LMNTD1: variants seen among roughly 807,000 people sequenced by gnomAD.
LMNTD1 encodes the protein lamin tail domain containing 1, also known as lamin tail domain-containing protein 1.
Under a neutral mutation model 50.9 loss-of-function variants are expected in LMNTD1, and 35 were observed. The ratio of observed to expected loss-of-function variants is 0.69; its 90% CI spans 0.53 to 0.91. LMNTD1 has a LOEUF of 0.91. Among genes scored for constraint, LMNTD1 ranks in the 40% least tolerant of loss-of-function variants. The pLI, the probability that LMNTD1 is intolerant of heterozygous loss-of-function variation, is 0.00. For missense variants in LMNTD1, 470 were observed against 475.5 expected, an observed-to-expected ratio of 0.99 and a Z score of 0.11; for synonymous variants, 153 against 161.9, an observed-to-expected ratio of 0.94 and a Z score of 0.42.
intron 9 of LMNTD1, chr12:25,499,860 G>C (rs1426319425): frequency 6.6e-6 from 1 of 152,158 alleles, no homozygotes. Flanking sequence ...CTCTATGAAA[G>C]CGGAACCCGC....
At chr12:25,587,048 C>T (rs1036868981) in intron 1 of LMNTD1, among the ~76,000 whole-genome samples, 12 of 152,164 alleles carry the variant, frequency 7.9e-5, no homozygotes, top group African/African-American at 2.9e-4. Flanking sequence ...TCCTGTTTCT[C>T]TCAGCTGGAA....
chr12:25,609,948 A>T (rs979330739), intron 1 of LMNTD1, among the ~76,000 whole-genome samples: 2 of 152,116 alleles, frequency 1.3e-5, no homozygotes, highest in African/African-American at 4.8e-5. Context: ...CAGCCCCCAG[A>T]GGTGGAGTTT....
At chr12:25,581,543 G>T (rs1380208738) in intron 1 of LMNTD1, among the ~76,000 whole-genome samples, 6 of 151,098 alleles carry the variant, frequency 4.0e-5, no homozygotes, top group Non-Finnish European at 8.8e-5. Flanking sequence ...TTACTCTTTT[G>T]ATTAAACTTT....
At chr12:25,514,774 A>T (rs1054798647) in intron 8 of LMNTD1, among the ~76,000 whole-genome samples, 1 of 152,170 alleles carries the variant, frequency 6.6e-6, no homozygotes, top group African/African-American at 2.4e-5. Flanking sequence ...TTATTATGAG[A>T]TAGGGAAAGA....
At chr12:25,644,067 G>A (rs575916538) in intron 1 of LMNTD1, among the ~76,000 whole-genome samples, 50 of 152,270 alleles carry the variant, frequency 3.3e-4, no homozygotes, top group African/African-American at 1.2e-3. Flanking sequence ...TGGACAGCTG[G>A]ATCAGTTGTG....
In LMNTD1 at chr12:25,553,200, G is replaced by A. The variant is rs829047; in HGVS notation, c.-162C>T. 0.71 allele frequency: 1,114,671 copies of A among 1,569,486 alleles called. 397,599 individuals carry two copies. Among genetic ancestry groups the A allele is most frequent in the Admixed American group, 0.76 (41,187 of 54,442 alleles). ...AATCCTGATCTTGGCTAAGGATGTCGGACAAACCATGGTGCAGGTGTGTAG... is the reference window on the plus strand; with the variant it reads ...AATCCTGATCTTGGCTAAGGATGTCAGACAAACCATGGTGCAGGTGTGTAG... On this transcript the variant is annotated 5_prime_UTR_variant, in exon 1 of 10. Coordinates refer to ENST00000458174, the MANE Select transcript of LMNTD1 (RefSeq NM_001145728.2).
chr12:25,574,923 C>G (rs1038115393), intron 1 of LMNTD1, among the ~76,000 whole-genome samples: 1 of 152,130 alleles, frequency 6.6e-6, no homozygotes, highest in Non-Finnish European at 1.5e-5. Context: ...ATTATACTTA[C>G]AAATTACATA....
chr12:25,578,200 G>A (rs1161381090), intron 1 of LMNTD1, among the ~76,000 whole-genome samples: 1 of 152,124 alleles, frequency 6.6e-6, no homozygotes, highest in African/African-American at 2.4e-5. Context: ...TTACACTACT[G>A]TGAATAAACT....
intron 1 of LMNTD1, among the ~76,000 whole-genome samples, chr12:25,601,445 A>T (rs1220153958): frequency 1.3e-5 from 2 of 151,980 alleles, no homozygotes; most frequent in African/African-American, 4.8e-5. Flanking sequence ...TATACATTTT[A>T]AAATAATTTA....
chr12:25,518,670 A>G (rs1940982925), intron 8 of LMNTD1, 125 bp downstream of exon 8: 10 of 814,996 alleles, frequency 1.2e-5, no homozygotes, highest in Middle Eastern at 7.4e-4. Context: ...TTTAAGAGCC[A>G]TCTATTCTTG....
intron 9 of LMNTD1, among the ~76,000 whole-genome samples, chr12:25,501,123 G>A (rs1176238853): frequency 6.6e-6 from 1 of 152,056 alleles, no homozygotes; most frequent in Non-Finnish European, 1.5e-5. Flanking sequence ...TCGAGTAGCT[G>A]GGACTACAGG....
At chr12:25,531,310 T>C (rs888610053) in intron 4 of LMNTD1, among the ~76,000 whole-genome samples, 1 of 152,202 alleles carries the variant, frequency 6.6e-6, no homozygotes, top group Non-Finnish European at 1.5e-5. Flanking sequence ...GTCACTAAGT[T>C]GGTGGTAATT....
At chr12:25,619,800 G>A (rs1225901029) in intron 1 of LMNTD1, among the ~76,000 whole-genome samples, 2 of 152,200 alleles carry the variant, frequency 1.3e-5, no homozygotes, top group Non-Finnish European at 2.9e-5. Context: ...GGATGGTCAA[G>A]CTGTCTTGGG....
intron 4 of LMNTD1, among the ~76,000 whole-genome samples, chr12:25,545,944 C>T (rs1473692221): frequency 6.6e-6 from 1 of 151,570 alleles, no homozygotes; most frequent in Non-Finnish European, 1.5e-5. Flanking sequence ...TATCAACTTT[C>T]TTCCTGATCA....
At position 25,541,164 on chromosome 12, in the gene LMNTD1, C is replaced by T. The variant is rs868157348; in HGVS notation, c.491+5210G>A. 7.2e-4 allele frequency among the ~76,000 whole-genome samples: 56 copies of T among 77,834 alleles called. 1 individual carries two copies. The highest frequency in any genetic ancestry group is 1.9e-3 in the African/African-American group (52 of 27,444). 51.1% of individuals were successfully genotyped at this position (77,834 alleles called of 152,430 possible). A position where few individuals can be genotyped will look rare whatever the true frequency, so the allele number is the denominator to read the frequency against. ...TGGCCATACTGCCCAAGGTAATTTA[C>T]AGATTCAATGCCATCCCCATCAAGC... On this transcript the variant is annotated intron_variant, in intron 4 of 9. Transcript: ENST00000458174.
intron 1 of LMNTD1, among the ~76,000 whole-genome samples, chr12:25,641,887 T>C (rs1946965308): frequency 6.6e-6 from 1 of 152,162 alleles, no homozygotes; most frequent in African/African-American, 2.4e-5. Flanking sequence ...TCATTATTAT[T>C]TGTACTATTA....
intron 1 of LMNTD1, among the ~76,000 whole-genome samples, chr12:25,584,672 T>C (rs910127424): frequency 9.8e-5 from 15 of 152,310 alleles, no homozygotes; most frequent in Middle Eastern, 6.8e-3. Context: ...AAAGAATGAT[T>C]CCTTTTAAAA....
chr12:25,492,930 C>T (rs562366289), intron 9 of LMNTD1, among the ~76,000 whole-genome samples: 8 of 152,222 alleles, frequency 5.3e-5, no homozygotes, highest in East Asian at 1.9e-4. Flanking sequence ...ATATTCTAAA[C>T]GTACCAACAT....
intron 1 of LMNTD1, among the ~76,000 whole-genome samples, chr12:25,559,808 A>G (rs1944214180): frequency 6.6e-6 from 1 of 152,046 alleles, no homozygotes; most frequent in Admixed American, 6.6e-5. Context: ...GATGATGAAC[A>G]TTTTTTCACG....
Sources: gnomAD v4.1 joint callset for allele counts (sites outside exome capture counted in the v4.1 genomes callset) on GRCh38, gnomAD v4.1.1 for gene constraint, MANE v1.5 for transcripts, NCBI Gene and HGNC (gene_info 2026-07-23, HGNC 2026-07-21) for gene names.